RALGAPA1: variants seen among roughly 807,000 people sequenced by gnomAD.
The protein encoded by RALGAPA1 is ral GTPase-activating protein subunit alpha-1.
A neutral mutation model predicts 269.6 loss-of-function variants in RALGAPA1; 52 were observed. The observed-to-expected ratio is 0.19, with a 90% confidence interval of 0.15 to 0.24. RALGAPA1 has a LOEUF of 0.24. Among genes scored for constraint, RALGAPA1 ranks in the 10% least tolerant of loss-of-function variants. The pLI is 1.00. For missense variants in RALGAPA1, 1,917 were observed against 3,013.9 expected (o/e 0.64, Z 8.52); for synonymous variants, 817 against 1,008.3 (o/e 0.81, Z 3.60).
intron 39 of RALGAPA1, among the ~76,000 whole-genome samples, chr14:35,560,302 C>T (rs2056084879): frequency 6.6e-6 from 1 of 152,126 alleles, no homozygotes; most frequent in East Asian, 1.9e-4. Flanking sequence ...CTTTATCTGC[C>T]ACTGCTCTTC....
At chr14:35,794,356 G>A (rs2076405696) in intron 1 of RALGAPA1, among the ~76,000 whole-genome samples, 1 of 151,808 alleles carries the variant, frequency 6.6e-6, no homozygotes. Flanking sequence ...ACACACACAC[G>A]CATATACAGT....
At chr14:35,575,598 T>C (rs1035238361) in intron 37 of RALGAPA1, among the ~76,000 whole-genome samples, 2 of 152,144 alleles carry the variant, frequency 1.3e-5, no homozygotes, top group Admixed American at 1.3e-4. Flanking sequence ...ACCCATTTCT[T>C]ATTTATTTAT....
At position 35,572,070 on chromosome 14, in the gene RALGAPA1, A is replaced by G. The variant is rs146125314; in HGVS notation, c.7368+490T>C. On this transcript the variant is annotated intron_variant, in intron 38 of 41. Transcript: ENST00000680220. ...AGTGTGTTTGAATTCTATGGTGTAT[A>G]TATAAGACATCCAACTATAGGATAG... Among the ~76,000 whole-genome samples, 725 of 152,320 alleles carry G rather than the reference A, an allele frequency of 4.8e-3. 7 individuals are homozygous for G. The highest frequency in any genetic ancestry group is 0.016 in the African/African-American group (671 of 41,564).
intron 1 of RALGAPA1, among the ~76,000 whole-genome samples, chr14:35,804,740 C>T (rs2077232182): frequency 6.6e-6 from 1 of 151,550 alleles, no homozygotes; most frequent in African/African-American, 2.4e-5. Context: ...TTGCAACCAG[C>T]CTGGGCAACA....
At chr14:35,729,482 A>G (rs1352490123) in intron 12 of RALGAPA1, among the ~76,000 whole-genome samples, 1 of 152,212 alleles carries the variant, frequency 6.6e-6, no homozygotes, top group Admixed American at 6.5e-5. Flanking sequence ...GCTCACTCTC[A>G]TCCCATGGAT....
chr14:35,693,106 A>G (rs1414552251), intron 17 of RALGAPA1, among the ~76,000 whole-genome samples: 1 of 152,000 alleles, frequency 6.6e-6, no homozygotes, highest in East Asian at 1.9e-4. Flanking sequence ...CTCTTGAATA[A>G]TACATCATAT....
chr14:35,771,822 CACT>C (rs1193288524), intron 3 of RALGAPA1, among the ~76,000 whole-genome samples: 1 of 152,056 alleles, frequency 6.6e-6, no homozygotes, highest in Non-Finnish European at 1.5e-5. Flanking sequence ...AGGCACACAC[CACT>C]ATGTCTAGCA....
At chr14:35,702,024 C>A (rs537324981) in intron 16 of RALGAPA1, among the ~76,000 whole-genome samples, 1 of 152,282 alleles carries the variant, frequency 6.6e-6, no homozygotes, top group Admixed American at 6.5e-5. Flanking sequence ...AACAAGAATT[C>A]CCACTTTTGC....
intron 36 of RALGAPA1, among the ~76,000 whole-genome samples, chr14:35,601,943 C>A (rs1472884901): frequency 6.6e-6 from 1 of 152,060 alleles, no homozygotes; most frequent in African/African-American, 2.4e-5. Context: ...CCCAAAGAAA[C>A]CCCATATCTT....
chr14:35,557,098 ATGTGTGTGTGTGTGTG>A (rs56835063), intron 39 of RALGAPA1, among the ~76,000 whole-genome samples: 2 of 142,428 alleles, frequency 1.4e-5, no homozygotes, highest in East Asian at 2.0e-4. Context: ...TCCAATATGT[ATGTGTGTGTGTGTGTG>A]TGTGTGTGTG....
intron 1 of RALGAPA1, among the ~76,000 whole-genome samples, chr14:35,788,363 GAA>G (rs1425626972): frequency 6.6e-6 from 1 of 152,136 alleles, no homozygotes; most frequent in Non-Finnish European, 1.5e-5. Flanking sequence ...AGGTTCCTAT[GAA>G]AAGTCAAATG....
intron 36 of RALGAPA1, among the ~76,000 whole-genome samples, chr14:35,604,348 A>G (rs916441452): frequency 2.0e-5 from 3 of 152,076 alleles, no homozygotes; most frequent in African/African-American, 7.2e-5. Context: ...TCACAATGGT[A>G]TAGAATTAGG....
chr14:35,549,080 C>T (rs777348871), intron 40 of RALGAPA1, 30 bp downstream of exon 40: 2 of 1,606,970 alleles, frequency 1.2e-6, no homozygotes, highest in Non-Finnish European at 1.7e-6. Flanking sequence ...GTTCCAATAA[C>T]AAGTAACTAA....
At chr14:35,636,349 C>T (rs1369692262) in intron 31 of RALGAPA1, among the ~76,000 whole-genome samples, 4 of 152,092 alleles carry the variant, frequency 2.6e-5, no homozygotes, top group Non-Finnish European at 5.9e-5. Flanking sequence ...AAGAGACTTG[C>T]TAATCTTTAA....
At chr14:35,788,388 T>C (rs1305543322) in intron 1 of RALGAPA1, among the ~76,000 whole-genome samples, 1 of 152,220 alleles carries the variant, frequency 6.6e-6, no homozygotes, top group Non-Finnish European at 1.5e-5. Flanking sequence ...GCTTGAATTT[T>C]TTCCATAAAC....
intron 27 of RALGAPA1, among the ~76,000 whole-genome samples, chr14:35,662,689 T>G (rs2063621706): frequency 6.6e-6 from 1 of 152,104 alleles, no homozygotes; most frequent in Admixed American, 6.6e-5. Context: ...CACTCAAAAC[T>G]GCATTAATAA....
intron 22 of RALGAPA1, among the ~76,000 whole-genome samples, chr14:35,675,911 A>T (rs556337538): frequency 5.9e-5 from 9 of 152,320 alleles, no homozygotes; most frequent in South Asian, 4.1e-4. Flanking sequence ...GTACATGTAC[A>T]TTCTTTACTC....
intron 1 of RALGAPA1, among the ~76,000 whole-genome samples, chr14:35,805,939 C>T (rs1044587123): frequency 6.6e-6 from 1 of 152,082 alleles, no homozygotes. Flanking sequence ...CCGCCCACCT[C>T]GGCCTCCCCA....
intron 16 of RALGAPA1, 51 bp downstream of exon 16, chr14:35,721,637 A>G: frequency 6.9e-7 from 1 of 1,448,174 alleles, no homozygotes; most frequent in South Asian, 1.3e-5. Context: ...GTTACCAAGG[A>G]CTATAAATGT....
Sources: gnomAD v4.1 joint callset for allele counts (sites outside exome capture counted in the v4.1 genomes callset) on GRCh38, gnomAD v4.1.1 for gene constraint, MANE v1.5 for transcripts, NCBI Gene and HGNC (gene_info 2026-07-23, HGNC 2026-07-21) for gene names.